The following SLC1A3 variants were observed in gnomAD, a reference collection of about 807,000 sequenced individuals.
SLC1A3 encodes solute carrier family 1 member 3.
A neutral mutation model predicts 48.1 loss-of-function variants in SLC1A3; 21 were observed. The observed-to-expected ratio is 0.44, with a 90% CI of 0.31 to 0.63. The LOEUF (loss-of-function observed/expected upper bound fraction) is 0.63. SLC1A3 is among the 20% of genes least tolerant of loss of function. The pLI, the probability that SLC1A3 is intolerant of heterozygous loss-of-function variation, is 0.08. For synonymous variants in SLC1A3, 239 were observed against 251.4 expected (o/e 0.95, Z 0.47); for missense variants, 546 against 689.0 (o/e 0.79, Z 2.32).
intron 8 of SLC1A3, 79 bp from the exon 9 acceptor site, chr5:36,683,785 C>T (rs778375114): frequency 7.5e-5 from 112 of 1,486,778 alleles, no homozygotes; most frequent in Non-Finnish European, 5.5e-5. Context: ...GCATCGGCAC[C>T]GTGCGTATTT....
intron 9 of SLC1A3, among the ~76,000 whole-genome samples, chr5:36,685,799 G>A (rs1404668953): frequency 6.6e-6 from 1 of 152,178 alleles, no homozygotes; most frequent in Non-Finnish European, 1.5e-5. Context: ...ATTATTATGA[G>A]AATGGCTTAA....
intron 2 of SLC1A3, chr5:36,613,268 G>A (rs899066981): frequency 1.4e-4 from 26 of 182,190 alleles, no homozygotes; most frequent in Admixed American, 4.2e-4. Flanking sequence ...TCAGTGAATC[G>A]GGCTATCCTA....
chr5:36,600,907 G>A (rs922198247), intron 1 of SLC1A3, among the ~76,000 whole-genome samples: 2 of 152,154 alleles, frequency 1.3e-5, no homozygotes, highest in Admixed American at 1.3e-4. Context: ...AGCCACTAAG[G>A]TTGATTTGTG....
At chr5:36,646,479 T>C (rs1021957964) in intron 3 of SLC1A3, among the ~76,000 whole-genome samples, 3 of 152,346 alleles carry the variant, frequency 2.0e-5, no homozygotes, top group East Asian at 3.9e-4. Flanking sequence ...CTGCCCACTG[T>C]AGTTGGACAA....
intron 3 of SLC1A3, among the ~76,000 whole-genome samples, chr5:36,653,399 A>G (rs1741163444): frequency 6.6e-6 from 1 of 152,156 alleles, no homozygotes; most frequent in Non-Finnish European, 1.5e-5. Context: ...CTGACTCCAC[A>G]TTTACCCCTC....
At position 36,681,136 on chromosome 5, in the gene SLC1A3, G is replaced by A. The variant is rs532393199; in HGVS notation, c.1289+547G>A. Among the ~76,000 whole-genome samples the A allele has an allele frequency of 7.1e-4, 108 of 152,166 alleles. 1 individual carries two copies. Among genetic ancestry groups the A allele is most frequent in the African/African-American group, 2.3e-3 (97 of 41,530 alleles). ...AGGGAAACTTGCCTGCCATCACATC[G>A]CTCCACATCCTTCTGTAAGTGACCA... On this transcript the variant is annotated intron_variant, in intron 8 of 9. Transcript: ENST00000265113.
At chr5:36,629,236 T>G (rs999675426) in intron 2 of SLC1A3, among the ~76,000 whole-genome samples, 1 of 152,142 alleles carries the variant, frequency 6.6e-6, no homozygotes, top group Non-Finnish European at 1.5e-5. Context: ...AAGAGTTTTT[T>G]TCTATAAGTT....
chr5:36,646,425 C>A lies in SLC1A3; in HGVS notation c.319+16838C>A, dbSNP rs541920330. Among the ~76,000 whole-genome samples, 4 of 152,290 alleles carry A rather than the reference C, an allele frequency of 2.6e-5. No homozygotes were observed. The East Asian group carries it at 7.7e-4, about 29-fold the overall frequency. On this transcript the variant is annotated intron_variant, in intron 3 of 9. Transcript: ENST00000265113. ...CTCAAAAAAATATAAACACAATATC[C>A]AAACCTTTTGGAAATTTAAATGTTA...
At chr5:36,625,424 T>A (rs1251612537) in intron 2 of SLC1A3, among the ~76,000 whole-genome samples, 1 of 152,184 alleles carries the variant, frequency 6.6e-6, no homozygotes, top group Non-Finnish European at 1.5e-5. Context: ...GCCACTGCAC[T>A]CCAGCTTGGG....
rs139847686 is a variant in SLC1A3 at position 36,667,520 on chromosome 5, C to T, written c.320-3509C>T. ...CTCTCTTGGAAATGTGGGTTCAAATCCTGCCACTGTCATTTATTAGCTGTG... is the reference window on the plus strand; with the variant it reads ...CTCTCTTGGAAATGTGGGTTCAAATTCTGCCACTGTCATTTATTAGCTGTG... On this transcript the variant is annotated intron_variant, in intron 3 of 9. Coordinates refer to ENST00000265113, the MANE Select transcript of SLC1A3 (RefSeq NM_004172.5). 5.9e-5 allele frequency among the ~76,000 whole-genome samples: 9 copies of T among 152,264 alleles called. 1 individual carries two copies. The highest frequency in any genetic ancestry group is 1.9e-4 in the African/African-American group (8 of 41,556).
intron 2 of SLC1A3, among the ~76,000 whole-genome samples, chr5:36,610,772 T>G (rs1739160546): frequency 6.6e-6 from 1 of 152,174 alleles, no homozygotes; most frequent in Non-Finnish European, 1.5e-5. Flanking sequence ...CTAAGATTTG[T>G]GAGAATTGCA....
intron 4 of SLC1A3, among the ~76,000 whole-genome samples, chr5:36,673,113 T>G (rs1742063028): frequency 6.6e-6 from 1 of 152,090 alleles, no homozygotes; most frequent in African/African-American, 2.4e-5. Flanking sequence ...CTATCAAGGT[T>G]GATAGCAACA....
intron 3 of SLC1A3, among the ~76,000 whole-genome samples, chr5:36,650,112 A>T (rs1020562336): frequency 2.0e-4 from 31 of 152,152 alleles, no homozygotes; most frequent in Admixed American, 6.5e-5. Flanking sequence ...TCCAAGTCTT[A>T]GTGTAGAGGC....
In SLC1A3 at chr5:36,684,766, C is replaced by T. The variant is rs374737997; in HGVS notation, c.1424+768C>T. 3.4e-4 allele frequency among the ~76,000 whole-genome samples: 52 copies of T among 152,300 alleles called. No individual in the cohort carries two copies. In the South Asian group the frequency reaches 9.8e-3, roughly 29 times the overall value. Reference sequence around the variant, plus strand: ...AGTGTGCGTGAAACCCCAGACTGGGCGAGAGGATTCACTCCCCAGTTACTT... The same window carrying T: ...AGTGTGCGTGAAACCCCAGACTGGGTGAGAGGATTCACTCCCCAGTTACTT... On this transcript the variant is annotated intron_variant, in intron 9 of 9. Coordinates refer to ENST00000265113, the MANE Select transcript of SLC1A3 (RefSeq NM_004172.5).
chr5:36,641,556 CA>C (rs1203010134), intron 3 of SLC1A3, among the ~76,000 whole-genome samples: 1 of 152,026 alleles, frequency 6.6e-6, no homozygotes, highest in African/African-American at 2.4e-5. Flanking sequence ...CTAAACTACA[CA>C]CTAAATATTT....
At chr5:36,608,874 A>G in intron 2 of SLC1A3, 1 of 1,167,564 alleles carries the variant, frequency 8.6e-7, no homozygotes, top group Non-Finnish European at 1.1e-6. Context: ...CATTTCATGT[A>G]AGGATAAGGA....
At chr5:36,607,099 T>A (rs1465436459) in intron 1 of SLC1A3, 1 of 152,212 alleles carries the variant, frequency 6.6e-6, no homozygotes, top group Non-Finnish European at 1.5e-5. Context: ...CCTAAGCATT[T>A]AATCCAGTGT....
At chr5:36,611,871 C>G (rs139856419) in intron 2 of SLC1A3, among the ~76,000 whole-genome samples, 2 of 152,264 alleles carry the variant, frequency 1.3e-5, no homozygotes, top group Admixed American at 1.3e-4. Flanking sequence ...CTGACTCTTT[C>G]CATGGCTAGG....
chr5:36,638,132 G>A (rs1175817230), intron 3 of SLC1A3, among the ~76,000 whole-genome samples: 1 of 152,158 alleles, frequency 6.6e-6, no homozygotes, highest in East Asian at 1.9e-4. Flanking sequence ...TCGCAGAGGT[G>A]TAGATACGTT....
Sources: allele counts gnomAD v4.1 joint callset (sites outside exome capture counted in the v4.1 genomes callset), GRCh38; gene constraint gnomAD v4.1.1; transcripts MANE v1.5; gene names NCBI Gene and HGNC (gene_info 2026-07-23, HGNC 2026-07-21).